The following DSCAM variants were observed in gnomAD, a reference collection of about 807,000 sequenced individuals.
DSCAM encodes the protein DS cell adhesion molecule.
Under a neutral mutation model 217.7 loss-of-function variants are expected in DSCAM, and 47 were observed. The observed-to-expected ratio is 0.22, with a 90% CI of 0.17 to 0.28. The LOEUF (loss-of-function observed/expected upper bound fraction) is 0.28. Ranked by LOEUF, DSCAM falls within the 10% of genes least tolerant of loss-of-function variation. The probability of loss-of-function intolerance (pLI) is 1.00; values close to 1 mark genes in which losing one functional copy is unlikely to be tolerated. For missense variants in DSCAM, 2,080 were observed against 2,618.3 expected, an observed-to-expected ratio of 0.79 and a Z score of 4.49; for synonymous variants, 1,056 against 1,015.3, an observed-to-expected ratio of 1.04 and a Z score of -0.76.
In DSCAM at chr21:40,478,951, G is replaced by GTC. The variant is rs58968656; in HGVS notation, c.509-109708_509-109707dup. ...CTGTATTCTGAGTTATGTGAATTTG[G>GTC]TCTCTCTCTCTCTAAACATCTTACT... is the stretch of plus-strand genomic sequence containing the variant. On this transcript the variant is annotated intron_variant, in intron 3 of 32. Coordinates refer to ENST00000400454, the MANE Select transcript of DSCAM (RefSeq NM_001389.5). Among the ~76,000 whole-genome samples the GTC allele has an allele frequency of 1.3e-3, 204 of 152,032 alleles. 1 individual carries two copies. The highest frequency in any genetic ancestry group is 4.5e-3 in the African/African-American group (185 of 41,456).
chr21:40,191,371 T>G lies in DSCAM; in HGVS notation c.2357-2133A>C, dbSNP rs186029222. 2.9e-4 allele frequency among the ~76,000 whole-genome samples: 44 copies of G among 152,302 alleles called. No individual in the cohort carries two copies. In the East Asian group the frequency reaches 7.9e-3, roughly 27 times the overall value. ...CTCAAGAAAGAGGTGCCAAGAGTCC[T>G]GCATATCAAGGACAGTTGCTCACAA... On this transcript the variant is annotated intron_variant, in intron 11 of 32. Coordinates refer to ENST00000400454, the MANE Select transcript of DSCAM (RefSeq NM_001389.5).
At chr21:40,845,731 C>T (rs2092139689) in intron 1 of DSCAM, among the ~76,000 whole-genome samples, 1 of 151,992 alleles carries the variant, frequency 6.6e-6, no homozygotes, top group Non-Finnish European at 1.5e-5. Flanking sequence ...GAATTTAAGC[C>T]GTAGCTACTC....
At chr21:40,311,809 C>T (rs1444524684) in intron 9 of DSCAM, among the ~76,000 whole-genome samples, 1 of 152,034 alleles carries the variant, frequency 6.6e-6, no homozygotes, top group Non-Finnish European at 1.5e-5. Flanking sequence ...ATACGGAAGC[C>T]TTATTTCATG....
intron 3 of DSCAM, among the ~76,000 whole-genome samples, chr21:40,622,648 C>T (rs952574817): frequency 2.6e-5 from 4 of 152,052 alleles, no homozygotes; most frequent in Non-Finnish European, 5.9e-5. Context: ...ATAGCCTGCC[C>T]GAATACCAGC....
rs528130610 is a variant in DSCAM, at chr21:40,513,312, A to G, written c.509-144067T>C. 3.9e-5 allele frequency: 6 copies of G among 152,512 alleles called. No individual in the cohort carries two copies. The South Asian group carries it at 1.2e-3, about 32-fold the overall frequency. The allele number at this position is 152,512 out of a possible 1,614,324, so 9.4% of individuals were successfully genotyped here. A position where few individuals can be genotyped will look rare whatever the true frequency, so the allele number is the denominator to read the frequency against. On this transcript the variant is annotated intron_variant, in intron 3 of 32. Coordinates refer to ENST00000400454, the MANE Select transcript of DSCAM (RefSeq NM_001389.5). ...AAAAGAAAAAAAGAAAGGAAAATCT[A>G]TCTTGGGAACAACAACAACAAAATC...
chr21:40,137,345 T>A (rs1222292291), intron 18 of DSCAM, among the ~76,000 whole-genome samples: 3 of 151,858 alleles, frequency 2.0e-5, no homozygotes, highest in African/African-American at 7.3e-5. Context: ...AATTTTAAGA[T>A]TTCTAAAACT....
chr21:40,329,087 T>C (rs1323264426), intron 8 of DSCAM, among the ~76,000 whole-genome samples: 1 of 152,212 alleles, frequency 6.6e-6, no homozygotes, highest in Non-Finnish European at 1.5e-5. Flanking sequence ...TTATACTCAC[T>C]ATAGAAAATA....
At chr21:40,301,838 G>C (rs1454024017) in intron 9 of DSCAM, among the ~76,000 whole-genome samples, 1 of 152,190 alleles carries the variant, frequency 6.6e-6, no homozygotes, top group Non-Finnish European at 1.5e-5. Flanking sequence ...TAATAACGCA[G>C]ATCAGGGTGA....
intron 15 of DSCAM, among the ~76,000 whole-genome samples, chr21:40,171,531 G>T: frequency 6.6e-6 from 1 of 150,694 alleles, no homozygotes; most frequent in Non-Finnish European, 1.5e-5. Context: ...TTATTGTTCT[G>T]CCTGTTCCCT....
chr21:40,787,564 T>C (rs1424712036), intron 1 of DSCAM, among the ~76,000 whole-genome samples: 1 of 152,182 alleles, frequency 6.6e-6, no homozygotes, highest in Non-Finnish European at 1.5e-5. Context: ...GCAGTCATGG[T>C]TTATTTATAC....
At chr21:40,340,550 T>C (rs2074480290) in intron 6 of DSCAM, among the ~76,000 whole-genome samples, 1 of 152,180 alleles carries the variant, frequency 6.6e-6, no homozygotes, top group South Asian at 2.1e-4. Flanking sequence ...AAGTGGGTCA[T>C]TTTGACATAA....
intron 9 of DSCAM, among the ~76,000 whole-genome samples, chr21:40,303,871 C>T (rs2074042995): frequency 6.6e-6 from 1 of 152,154 alleles, no homozygotes; most frequent in South Asian, 2.1e-4. Flanking sequence ...ATTGACCCAT[C>T]AGAAGATATA....
At chr21:40,840,654 G>A (rs1182957477) in intron 1 of DSCAM, among the ~76,000 whole-genome samples, 1 of 152,096 alleles carries the variant, frequency 6.6e-6, no homozygotes, top group Non-Finnish European at 1.5e-5. Flanking sequence ...GAAAAGAGAA[G>A]AAAATGCCCC....
chr21:40,794,111 T>C (rs906711033), intron 1 of DSCAM, among the ~76,000 whole-genome samples: 7 of 152,194 alleles, frequency 4.6e-5, no homozygotes, highest in African/African-American at 1.4e-4. Flanking sequence ...TTCTTTTTAA[T>C]AGAGCTCATA....
intron 17 of DSCAM, among the ~76,000 whole-genome samples, chr21:40,143,916 G>A (rs528269014): frequency 2.6e-5 from 4 of 152,214 alleles, no homozygotes; most frequent in Admixed American, 2.6e-4. Flanking sequence ...CTAAAACACT[G>A]TGCCTCTGGA....
At chr21:40,156,439 T>G (rs1426343614) in intron 16 of DSCAM, among the ~76,000 whole-genome samples, 1 of 152,088 alleles carries the variant, frequency 6.6e-6, no homozygotes, top group Non-Finnish European at 1.5e-5. Flanking sequence ...CCAGAGAAGA[T>G]CCAGGTCTCA....
rs937917012 is a variant in DSCAM, at chr21:40,144,876, C to T, written c.3019-145G>A. 1.2e-5 allele frequency: 14 copies of T among 1,171,752 alleles called. 1 individual carries two copies. The highest frequency in any genetic ancestry group is 8.8e-5 in the South Asian group (6 of 67,898). 72.6% of individuals were successfully genotyped at this position (1,171,752 alleles called of 1,614,324 possible). A position where few individuals can be genotyped will look rare whatever the true frequency, so the allele number is the denominator to read the frequency against. ...CGGTGGTCCGGTAGCAGCCGCAAAC[C>T]CACGTACAGTGCAACTTGGTCTGTG... On this transcript the variant is annotated intron_variant, in intron 16 of 32. Transcript: ENST00000400454. This position sits in a 1 kb window ranked among gnomAD's most constrained non-coding sequence, Gnocchi z 4.8.
intron 1 of DSCAM, among the ~76,000 whole-genome samples, chr21:40,794,523 C>T (rs1481003514): frequency 6.8e-6 from 1 of 147,482 alleles, no homozygotes; most frequent in Admixed American, 7.1e-5. Flanking sequence ...GTAAAGCACG[C>T]CTGTTCTTAG....
intron 3 of DSCAM, among the ~76,000 whole-genome samples, chr21:40,680,351 G>A (rs988177945): frequency 2.6e-5 from 4 of 152,096 alleles, no homozygotes; most frequent in Non-Finnish European, 5.9e-5. Flanking sequence ...TGAAACTGCA[G>A]TTATGGCACT....
Sources: gnomAD v4.1 joint callset for allele counts (sites outside exome capture counted in the v4.1 genomes callset) on GRCh38, gnomAD v4.1.1 for gene constraint, Gnocchi (gnomAD v3.1) non-coding constraint, MANE v1.5 for transcripts, NCBI Gene and HGNC (gene_info 2026-07-23, HGNC 2026-07-21) for gene names.